Variants in SMIM7 observed in about 807,000 individuals in gnomAD.
SMIM7 encodes the protein UPF0608 protein C19orf42.
Under a neutral mutation model 13.3 loss-of-function variants are expected in SMIM7, and 12 were observed. That is an observed-to-expected ratio of 0.90 (90% confidence interval 0.58 to 1.46). SMIM7 has a LOEUF of 1.46. Ranked by LOEUF, SMIM7 falls within the 40% of genes most tolerant of loss-of-function variation. The probability of loss-of-function intolerance (pLI) is 0.00; values close to 1 mark genes in which losing one functional copy is unlikely to be tolerated. For missense variants in SMIM7, 114 were observed against 94.8 expected, an observed-to-expected ratio of 1.20 and a Z score of -0.84; for synonymous variants, 36 against 35.8, an observed-to-expected ratio of 1.01 and a Z score of -0.02.
intron 3 of SMIM7, among the ~76,000 whole-genome samples, chr19:16,654,728 C>A (rs1041511969): frequency 6.6e-6 from 1 of 151,758 alleles, no homozygotes; most frequent in Non-Finnish European, 1.5e-5. Flanking sequence ...TTGTGAGACA[C>A]AAAAATTACA....
chr19:16,656,659 G>A (rs1027496445), intron 3 of SMIM7, among the ~76,000 whole-genome samples: 1 of 152,108 alleles, frequency 6.6e-6, no homozygotes, highest in African/African-American at 2.4e-5. Flanking sequence ...AGCACTTTGG[G>A]AGGCCAAGGA....
At chr19:16,644,096 TAC>T (rs954431143), downstream of SMIM7, among the ~76,000 whole-genome samples, 2 of 150,932 alleles carry the variant, frequency 1.3e-5, no homozygotes, top group African/African-American at 4.9e-5. Context: ...GGAAAAGGTT[TAC>T]CAGGCTGGAA....
intron 3 of SMIM7, chr19:16,659,121 A>G (rs2122557882): frequency 2.0e-6 from 1 of 499,634 alleles, no homozygotes; most frequent in African/African-American, 1.9e-5. Context: ...CATCTCTACA[A>G]AAAATACAAA....
chr19:16,658,883 G>A (rs2086630287), intron 3 of SMIM7, among the ~76,000 whole-genome samples: 1 of 151,972 alleles, frequency 6.6e-6, no homozygotes, highest in Non-Finnish European at 1.5e-5. Flanking sequence ...TATAACGGTA[G>A]GAAGTGATGT....
At chr19:16,637,661 T>C (rs976006127) in intron 4 of SMIM7, among the ~76,000 whole-genome samples, 1 of 152,206 alleles carries the variant, frequency 6.6e-6, no homozygotes, top group African/African-American at 2.4e-5. Flanking sequence ...AATGCCTTCC[T>C]CTGCAGCACC....
At chr19:16,654,437 G>C (rs567153712) in intron 3 of SMIM7, among the ~76,000 whole-genome samples, 1 of 152,282 alleles carries the variant, frequency 6.6e-6, no homozygotes, top group East Asian at 1.9e-4. Context: ...GATACCTTCT[G>C]CCAGGCTTAC....
chr19:16,657,057 C>G (rs1478159720), intron 3 of SMIM7, among the ~76,000 whole-genome samples: 1 of 152,190 alleles, frequency 6.6e-6, no homozygotes, highest in African/African-American at 2.4e-5. Flanking sequence ...CATCCCTGCA[C>G]TATCTATGTG....
At chr19:16,639,171 G>C (rs1477485163) in intron 4 of SMIM7, among the ~76,000 whole-genome samples, 1 of 150,030 alleles carries the variant, frequency 6.7e-6, no homozygotes, top group Non-Finnish European at 1.5e-5. Flanking sequence ...GCCCAGGCTG[G>C]AGTGCAGTGG....
At chr19:16,659,366 T>G (rs772053477) in intron 3 of SMIM7, 29 bp downstream of exon 3, 2 of 1,607,922 alleles carry the variant, frequency 1.2e-6, no homozygotes, top group South Asian at 2.2e-5. Flanking sequence ...AAGTGGACCA[T>G]GCAATTCCAG....
intron 3 of SMIM7, among the ~76,000 whole-genome samples, chr19:16,654,944 G>C (rs2086577034): frequency 6.6e-6 from 1 of 152,008 alleles, no homozygotes; most frequent in African/African-American, 2.4e-5. Context: ...CCCTGCTCTG[G>C]GGTCATCTTT....
chr19:16,654,238 C>T (rs2086567070), intron 3 of SMIM7, 113 bp from the exon 4 acceptor site: 4 of 777,042 alleles, frequency 5.1e-6, no homozygotes, highest in East Asian at 5.1e-5. Context: ...CCTCCAACTT[C>T]GGCAACAGTG....
At chr19:16,635,936 A>G (rs2086357871) in intron 4 of SMIM7, among the ~76,000 whole-genome samples, 1 of 148,916 alleles carries the variant, frequency 6.7e-6, no homozygotes, top group Admixed American at 6.7e-5. Flanking sequence ...ATGTATACAC[A>G]ATTTGACCCT....
At chr19:16,636,946 C>T (rs2122491902) in intron 4 of SMIM7, among the ~76,000 whole-genome samples, 1 of 152,292 alleles carries the variant, frequency 6.6e-6, no homozygotes, top group Admixed American at 6.5e-5. Flanking sequence ...GAGCAAGACC[C>T]TGTCTCTAAA....
At chr19:16,645,376 C>T (rs1333797269), downstream of SMIM7, 1 of 152,204 alleles carries the variant, frequency 6.6e-6, no homozygotes, top group Non-Finnish European at 1.5e-5. Flanking sequence ...TTCATCTGGC[C>T]TGTGAGGGAC....
intron 4 of SMIM7, among the ~76,000 whole-genome samples, chr19:16,649,643 C>T (rs149111383): frequency 1.3e-5 from 2 of 152,270 alleles, no homozygotes; most frequent in Admixed American, 1.3e-4. Flanking sequence ...TAGCTCATAA[C>T]TAAAAACATA....
intron 3 of SMIM7, among the ~76,000 whole-genome samples, chr19:16,654,872 C>T (rs891500220): frequency 6.9e-6 from 1 of 145,682 alleles, no homozygotes; most frequent in African/African-American, 2.7e-5. Flanking sequence ...AGACAGACAC[C>T]ATATGGCCCG....
At chr19:16,648,720 G>A (rs112509188) in intron 4 of SMIM7, among the ~76,000 whole-genome samples, 1 of 152,066 alleles carries the variant, frequency 6.6e-6, no homozygotes, top group African/African-American at 2.4e-5. Flanking sequence ...CAAAACCTTC[G>A]AACTGGCTGT....
downstream of SMIM7, among the ~76,000 whole-genome samples, chr19:16,642,480 G>A (rs2086410787): frequency 6.6e-6 from 1 of 152,074 alleles, no homozygotes; most frequent in African/African-American, 2.4e-5. Context: ...AACCTGGGAG[G>A]TGGAGGTTGC....
chr19:16,652,840 G>A (rs1438341744), intron 4 of SMIM7: 1 of 1,549,886 alleles, frequency 6.5e-7, no homozygotes, highest in Middle Eastern at 1.7e-4. Flanking sequence ...AAGAACACCA[G>A]ATTCTCCCGT....
Sources: gnomAD v4.1 joint callset for allele counts (sites outside exome capture counted in the v4.1 genomes callset) on GRCh38, gnomAD v4.1.1 for gene constraint, MANE v1.5 for transcripts, NCBI Gene and HGNC (gene_info 2026-07-23, HGNC 2026-07-21) for gene names.